Variants in STAT4 observed in about 807,000 individuals in gnomAD.
STAT4 encodes the protein signal transducer and activator of transcription 4.
STAT4 carries 42 observed loss-of-function variants against 110.5 expected under a neutral mutation model. The observed-to-expected ratio is 0.38, with a 90% CI of 0.30 to 0.49. The LOEUF is 0.49. Among genes scored for constraint, STAT4 ranks in the 20% least tolerant of loss-of-function variants. The pLI, the probability that STAT4 is intolerant of heterozygous loss-of-function variation, is 0.95. For missense variants in STAT4, 632 were observed against 887.9 expected (o/e 0.71, Z 3.66); for synonymous variants, 284 against 302.2 (o/e 0.94, Z 0.63).
At position 191,140,339 on chromosome 2, in the gene STAT4, C is replaced by T. The variant is rs912669584; in HGVS notation, c.273+6274G>A. 1.3e-5 allele frequency among the ~76,000 whole-genome samples: 2 copies of T among 152,176 alleles called. No homozygotes were observed. Among genetic ancestry groups the T allele is most frequent in the African/African-American group, 4.8e-5 (2 of 41,450 alleles). Reference sequence around the variant, plus strand: ...CAGCGTGGGAGAAAATATTTGCAAGCTATGTATCTGACAAAGGACTAATAT... The same window carrying T: ...CAGCGTGGGAGAAAATATTTGCAAGTTATGTATCTGACAAAGGACTAATAT... On this transcript the variant is annotated intron_variant, in intron 3 of 23. Transcript: ENST00000392320. The surrounding 1 kb of genome is among the most constrained non-coding windows in gnomAD (Gnocchi z 4.4).
At chr2:191,131,956 T>C (rs756257504) in intron 3 of STAT4, 5 of 1,291,278 alleles carry the variant, frequency 3.9e-6, no homozygotes, top group Non-Finnish European at 5.0e-6. Context: ...GTGTGTTATC[T>C]AGATTTACAA....
chr2:191,048,120 C>T (rs1447210565), intron 14 of STAT4, among the ~76,000 whole-genome samples: 1 of 152,188 alleles, frequency 6.6e-6, no homozygotes, highest in Non-Finnish European at 1.5e-5. Context: ...CAATGACACT[C>T]AGTGTTGTCC....
In STAT4 at chr2:191,031,053, A is replaced by C; in HGVS notation, c.2139T>G (p.Ser713=). 1.9e-6 allele frequency: 3 copies of C among 1,614,020 alleles called. No individual in the cohort carries two copies. Among genetic ancestry groups the C allele is most frequent in the Middle Eastern group, 1.6e-4 (1 of 6,062 alleles). The stretch of plus-strand genomic sequence containing the variant: ...GAGACATGGGAAGAAGGTCTGATGG[A>C]GAATGTGGCTCTGTTGAATCACTTC... The part of the protein sequence containing the change: ...TIRSDSTEPH[S]PSDLLPMSPS... The change falls in exon 23 of 24, where the codon TCT becomes TCG. Residue 713 remains serine (S), a synonymous_variant. Transcript: ENST00000392320. The surrounding 1 kb of genome is among the most constrained non-coding windows in gnomAD (Gnocchi z 4.8).
intron 3 of STAT4, among the ~76,000 whole-genome samples, chr2:191,096,101 A>G (rs534326817): frequency 2.0e-5 from 3 of 152,318 alleles, no homozygotes; most frequent in African/African-American, 7.2e-5. Context: ...GACCAATAAC[A>G]GGCTCTGAAA....
intron 3 of STAT4, chr2:191,121,894 T>C (rs1309121912): frequency 6.6e-6 from 1 of 152,072 alleles, no homozygotes; most frequent in African/African-American, 2.4e-5. Flanking sequence ...AACCTGCATG[T>C]TGTGCACATG....
chr2:191,042,322 T>C lies in STAT4; in HGVS notation c.1252-1174A>G, dbSNP rs1696224852. The stretch of plus-strand genomic sequence containing the variant: ...AAAAACTCAGAGGAAAAGCAAAAAG[T>C]AAAAATAAATAAATAAATAAAAGAA... On this transcript the variant is annotated intron_variant, in intron 14 of 23. Coordinates refer to ENST00000392320, the MANE Select transcript of STAT4 (RefSeq NM_003151.4). This position sits in a 1 kb window ranked among gnomAD's most constrained non-coding sequence, Gnocchi z 4.2. Among the ~76,000 whole-genome samples the C allele has an allele frequency of 6.6e-6, 1 of 151,688 alleles. No homozygotes were observed. Among genetic ancestry groups the C allele is most frequent in the Non-Finnish European group, 1.5e-5 (1 of 67,926 alleles).
intron 3 of STAT4, among the ~76,000 whole-genome samples, chr2:191,125,476 T>TTTATTATTATGATTATTATTATTATTA (rs1698853792): frequency 7.2e-6 from 1 of 138,002 alleles, no homozygotes; most frequent in Non-Finnish European, 1.5e-5. Context: ...ATCCTCATTA[T>TTTATTATTATGATTATTATTATTATTA]TTATTATTAT....
At chr2:191,048,631 A>C (rs72913156) in intron 14 of STAT4, among the ~76,000 whole-genome samples, 65,242 of 150,266 alleles carry the variant, frequency 0.43, 17,536 homozygotes, top group Non-Finnish European at 0.6. Flanking sequence ...AAAAAAATGC[A>C]AACAATTAGC....
At position 191,140,020 on chromosome 2, in the gene STAT4, A is replaced by G. The variant is rs528792270; in HGVS notation, c.273+6593T>C. Reference sequence around the variant, plus strand: ...AATCAGGGAAAAGACACCCTATTCAATATATGGGCTGGGAAAACTGGCAAG... The same window carrying G: ...AATCAGGGAAAAGACACCCTATTCAGTATATGGGCTGGGAAAACTGGCAAG... On this transcript the variant is annotated intron_variant, in intron 3 of 23. Transcript: ENST00000392320. The surrounding 1 kb of genome is among the most constrained non-coding windows in gnomAD (Gnocchi z 4.4). Among the ~76,000 whole-genome samples the G allele has an allele frequency of 1.3e-5, 2 of 152,346 alleles. No homozygotes were observed. The highest frequency in any genetic ancestry group is 2.4e-5 in the African/African-American group (1 of 41,584).
chr2:191,075,842 T>C (rs1014082329), intron 4 of STAT4, among the ~76,000 whole-genome samples: 19 of 147,898 alleles, frequency 1.3e-4, no homozygotes, highest in Admixed American at 4.7e-4. Flanking sequence ...TCTTTCTTTT[T>C]TTTTTTTTTT....
rs761660287 is a variant in STAT4 at position 191,046,225 on chromosome 2, A to G, written c.1252-5077T>C. 6.6e-6 allele frequency among the ~76,000 whole-genome samples: 1 copy of G among 152,254 alleles called. No homozygotes were observed. The highest frequency in any genetic ancestry group is 1.5e-5 in the Non-Finnish European group (1 of 68,048). ...ACTGTATATAAAACATTTAACCATT[A>G]TCAATCAAGTTAACAAACTGTTAAC... On this transcript the variant is annotated intron_variant, in intron 14 of 23. Coordinates refer to ENST00000392320, the MANE Select transcript of STAT4 (RefSeq NM_003151.4). The surrounding 1 kb of genome is among the most constrained non-coding windows in gnomAD (Gnocchi z 4.6).
At chr2:191,044,319 G>T (rs953108169) in intron 14 of STAT4, among the ~76,000 whole-genome samples, 1 of 152,090 alleles carries the variant, frequency 6.6e-6, no homozygotes, top group African/African-American at 2.4e-5. Context: ...GAATAAAAAG[G>T]CATTTATAAA....
At position 191,033,692 on chromosome 2, in the gene STAT4, G is replaced by A. The variant is rs897852353; in HGVS notation, c.1716-66C>T. 8.9e-6 allele frequency: 14 copies of A among 1,574,478 alleles called. No individual in the cohort carries two copies. Among genetic ancestry groups the A allele is most frequent in the Non-Finnish European group, 1.2e-5 (14 of 1,162,028 alleles). ...GATTTTCACTTATTGCATTTACAAA[G>A]ACCTACAGTTTGTTTTGAGTGTAAT... On this transcript the variant is annotated intron_variant, in intron 19 of 23. Coordinates refer to ENST00000392320, the MANE Select transcript of STAT4 (RefSeq NM_003151.4). The surrounding 1 kb of genome is among the most constrained non-coding windows in gnomAD (Gnocchi z 6.9).
At chr2:191,095,461 A>C (rs1047869722) in intron 3 of STAT4, among the ~76,000 whole-genome samples, 2 of 152,204 alleles carry the variant, frequency 1.3e-5, no homozygotes, top group Admixed American at 6.5e-5. Context: ...TAAGAAACTC[A>C]CTCAAAACCG....
chr2:191,097,419 G>A (rs1319760714), intron 3 of STAT4, among the ~76,000 whole-genome samples: 1 of 152,128 alleles, frequency 6.6e-6, no homozygotes, highest in African/African-American at 2.4e-5. Flanking sequence ...TACCAAAACA[G>A]AGATATAGAC....
In STAT4 at chr2:191,060,919, C is replaced by T. The variant is rs1314255096; in HGVS notation, c.1034+810G>A. On this transcript the variant is annotated intron_variant, in intron 10 of 23. Transcript: ENST00000392320. This position sits in a 1 kb window ranked among gnomAD's most constrained non-coding sequence, Gnocchi z 4.5. ...AACCTTATCATAGAACCCTAAACTG[C>T]TCTGTACCATGGCATCACCACCTCT... Among the ~76,000 whole-genome samples the T allele has an allele frequency of 6.6e-6, 1 of 152,198 alleles. No individual in the cohort carries two copies. Among genetic ancestry groups the T allele is most frequent in the Admixed American group, 6.5e-5 (1 of 15,280 alleles).
chr2:191,151,030 T>A, upstream of STAT4: 2 of 985,650 alleles, frequency 2.0e-6, no homozygotes. The surrounding 1 kb of genome is among the most constrained non-coding windows in gnomAD (Gnocchi z 4.7). Context: ...AGAAAGCCGC[T>A]GACGCCATCA....
chr2:191,134,901 C>G (rs966239846), intron 3 of STAT4, among the ~76,000 whole-genome samples: 1 of 151,450 alleles, frequency 6.6e-6, no homozygotes, highest in East Asian at 1.9e-4. Flanking sequence ...ACAACATATC[C>G]AAATCTATGA....
At position 191,083,762 on chromosome 2, in the gene STAT4, T is replaced by C. The variant is rs1287145801; in HGVS notation, c.274-7437A>G. Among the ~76,000 whole-genome samples the C allele has an allele frequency of 6.6e-6, 1 of 152,164 alleles. No individual in the cohort carries two copies. The highest frequency in any genetic ancestry group is 1.5e-5 in the Non-Finnish European group (1 of 68,022). On this transcript the variant is annotated intron_variant, in intron 3 of 23. Coordinates refer to ENST00000392320, the MANE Select transcript of STAT4 (RefSeq NM_003151.4). The surrounding 1 kb of genome is among the most constrained non-coding windows in gnomAD (Gnocchi z 4.6). ...CATTTTTATCTTTATTCCTCGCCAATGTCAAACACACTGGCCTGTGTGGGT... is the reference window on the plus strand; with the variant it reads ...CATTTTTATCTTTATTCCTCGCCAACGTCAAACACACTGGCCTGTGTGGGT...
Sources: gnomAD v4.1 joint callset for allele counts (sites outside exome capture counted in the v4.1 genomes callset) on GRCh38, gnomAD v4.1.1 for gene constraint, Gnocchi (gnomAD v3.1) non-coding constraint, MANE v1.5 for transcripts, NCBI Gene and HGNC (gene_info 2026-07-23, HGNC 2026-07-21) for gene names.